GSE1: variants seen among roughly 807,000 people sequenced by gnomAD.
The protein encoded by GSE1 is Gse1 coiled-coil protein, also known as genetic suppressor element 1.
In GSE1, 32 loss-of-function variants were observed where a neutral mutation model predicts 112.6. The ratio of observed to expected loss-of-function variants is 0.28; its 90% CI spans 0.21 to 0.38. The LOEUF (loss-of-function observed/expected upper bound fraction) is 0.38. Ranked by LOEUF, GSE1 falls within the 10% of genes least tolerant of loss-of-function variation. The pLI is 1.00. For synonymous variants in GSE1, 1,115 were observed against 735.6 expected, an observed-to-expected ratio of 1.52 and a Z score of -8.35; for missense variants, 2,348 against 1,699.2, an observed-to-expected ratio of 1.38 and a Z score of -6.71.
rs2046740227 is a variant in GSE1, at chr16:85,346,437, G to A, written c.2284-11026G>A. 2.7e-5 allele frequency among the ~76,000 whole-genome samples: 4 copies of A among 148,868 alleles called. No individual in the cohort carries two copies. In the South Asian group the frequency reaches 8.9e-4, roughly 33 times the overall value. On this transcript the variant is annotated intron_variant, in intron 1 of 2. Coordinates refer to the GSE1 transcript ENST00000637419. ...TGGATGGGTGATGGACAGGTGGATG[G>A]TGGATGAGTGGATGGATGGGCTGAT...
intron 1 of GSE1, among the ~76,000 whole-genome samples, chr16:85,260,198 C>T (rs888103125): frequency 2.0e-5 from 3 of 152,224 alleles, no homozygotes; most frequent in African/African-American, 7.2e-5. Context: ...CCCATGGTAC[C>T]TGGACACCTG....
chr16:85,413,291 A>G (rs1405194141), intron 2 of GSE1, among the ~76,000 whole-genome samples: 1 of 152,144 alleles, frequency 6.6e-6, no homozygotes, highest in Admixed American at 6.5e-5. Context: ...GAGGGTTGGG[A>G]AGCCAAGAGC....
At chr16:85,215,996 C>T (rs929504527) in intron 1 of GSE1, among the ~76,000 whole-genome samples, 2 of 152,206 alleles carry the variant, frequency 1.3e-5, no homozygotes, top group African/African-American at 4.8e-5. Context: ...ACATACTTGA[C>T]ACGTGTTCCC....
rs145005561 is a variant in GSE1, at chr16:85,312,571, A to G, written c.2284-44892A>G. Among the ~76,000 whole-genome samples, 20 of 152,248 alleles carry G rather than the reference A, an allele frequency of 1.3e-4. No individual in the cohort carries two copies. In the East Asian group the frequency reaches 3.9e-3, roughly 29 times the overall value. On this transcript the variant is annotated intron_variant, in intron 1 of 2. Transcript: ENST00000637419. The stretch of plus-strand genomic sequence containing the variant: ...GTGGATTTGGGTGCATTTAGGCTGG[A>G]TTTAGAGCATCTTAACTTCCTGACA...
intron 11 of GSE1, among the ~76,000 whole-genome samples, chr16:85,663,897 G>C (rs982129722): frequency 6.6e-6 from 1 of 152,246 alleles, no homozygotes; most frequent in African/African-American, 2.4e-5. Context: ...TCTTTGAGCC[G>C]AGTGCTCCAG....
At chr16:85,238,369 G>A (rs572449925) in intron 1 of GSE1, among the ~76,000 whole-genome samples, 19 of 152,326 alleles carry the variant, frequency 1.2e-4, no homozygotes, top group South Asian at 4.1e-4. Flanking sequence ...AAGGGGGGCG[G>A]TGTTCCGGAG....
intron 1 of GSE1, among the ~76,000 whole-genome samples, chr16:85,295,397 A>G (rs1456154437): frequency 6.6e-6 from 1 of 152,284 alleles, no homozygotes; most frequent in African/African-American, 2.4e-5. Context: ...GGGTCAGCAC[A>G]TCAGCCCTTT....
rs1368739056 is a variant in GSE1 at position 85,672,612 on chromosome 16, T to C, written c.*73T>C. 4 of 1,057,372 alleles carry C rather than the reference T, an allele frequency of 3.8e-6. No individual in the cohort carries two copies. The Admixed American group carries it at 8.1e-5, about 22-fold the overall frequency. The allele number at this position is 1,057,372 out of a possible 1,614,324, so 65.5% of individuals were successfully genotyped here. ...ATTTTATTACCTTGAATATTTAATA[T>C]TTTTCACTGGGAGGTTTGAAGCTTA... On this transcript the variant is annotated 3_prime_UTR_variant, in exon 16 of 16. Coordinates refer to ENST00000253458, the MANE Select transcript of GSE1 (RefSeq NM_014615.5).
intron 2 of GSE1, among the ~76,000 whole-genome samples, chr16:85,430,170 C>A (rs558717169): frequency 6.6e-6 from 1 of 152,192 alleles, no homozygotes; most frequent in South Asian, 2.1e-4. Flanking sequence ...AGGAACGTTG[C>A]CCGTGAGCAC....
intron 3 of GSE1, among the ~76,000 whole-genome samples, chr16:85,650,208 C>G (rs2051218340): frequency 6.6e-6 from 1 of 152,202 alleles, no homozygotes; most frequent in South Asian, 2.1e-4. Flanking sequence ...TTGGAGCAGC[C>G]CAAGGCGGCC....
intron 2 of GSE1, among the ~76,000 whole-genome samples, chr16:85,498,331 A>T (rs1346602989): frequency 6.6e-6 from 1 of 152,234 alleles, no homozygotes; most frequent in Admixed American, 6.5e-5. Flanking sequence ...AGACACACAG[A>T]CACACACGGA....
At chr16:85,636,696 G>C (rs970351862) in intron 2 of GSE1, among the ~76,000 whole-genome samples, 129 of 152,332 alleles carry the variant, frequency 8.5e-4, no homozygotes, top group African/African-American at 1.9e-3. Flanking sequence ...CCCGGGGGGG[G>C]GCTGGGAGAG....
Position 85,171,057 on chromosome 16 carries a change from C to CA in GSE1, c.1533_1534insA (p.Phe512IlefsTer19). ...ACGCCAGGAGCGCCATGCATTTCCCCTTCCTCAGCCTCCTGCCCTGCCCGC... is the reference window on the plus strand; with the variant it reads ...ACGCCAGGAGCGCCATGCATTTCCCCATTCCTCAGCCTCCTGCCCTGCCCGC... On this transcript the variant is annotated frameshift_variant, in exon 1 of 3. Coordinates refer to the GSE1 transcript ENST00000637419. LOFTEE classifies it high-confidence loss of function. 1.0e-6 allele frequency: 1 copy of CA among 985,880 alleles called. No homozygotes were observed. Among genetic ancestry groups the CA allele is most frequent in the Non-Finnish European group, 1.2e-6 (1 of 830,268 alleles). The allele number at this position is 985,880 out of a possible 1,614,324, so 61.1% of individuals were successfully genotyped here.
chr16:85,587,174 C>G (rs540784706), intron 1 of GSE1, among the ~76,000 whole-genome samples: 3 of 150,262 alleles, frequency 2.0e-5, no homozygotes, highest in East Asian at 2.0e-4. Flanking sequence ...CGAAACCCCC[C>G]CCCCCCCAGA....
intron 1 of GSE1, among the ~76,000 whole-genome samples, chr16:85,320,168 C>T (rs949400630): frequency 6.6e-6 from 1 of 152,246 alleles, no homozygotes; most frequent in Admixed American, 6.5e-5. Context: ...GGCCAAGGGC[C>T]TCCAGAGGGG....
intron 1 of GSE1, among the ~76,000 whole-genome samples, chr16:85,340,056 C>T (rs533423079): frequency 7.9e-4 from 120 of 152,212 alleles, no homozygotes; most frequent in Non-Finnish European, 1.6e-3. Context: ...AGGTACATTT[C>T]TGAATCTCAG....
intron 2 of GSE1, among the ~76,000 whole-genome samples, chr16:85,537,689 G>T (rs1459625412): frequency 6.6e-6 from 1 of 152,256 alleles, no homozygotes; most frequent in East Asian, 1.9e-4. Flanking sequence ...TCCAGTCACT[G>T]TGTGTCTGCT....
intron 9 of GSE1, chr16:85,662,535 T>G (rs1378829665): frequency 8.3e-5 from 13 of 155,810 alleles, no homozygotes; most frequent in Non-Finnish European, 1.6e-4. Context: ...CCAGCGCCCC[T>G]GGGCAGGGGC....
At chr16:85,357,115 C>T (rs919557904) in intron 1 of GSE1, among the ~76,000 whole-genome samples, 1 of 152,214 alleles carries the variant, frequency 6.6e-6, no homozygotes, top group Non-Finnish European at 1.5e-5. Context: ...GCCTCAGGCT[C>T]CCTCTTAGAT....
Sources: gnomAD v4.1 joint callset for allele counts (sites outside exome capture counted in the v4.1 genomes callset) on GRCh38, gnomAD v4.1.1 for gene constraint, MANE v1.5 for transcripts, NCBI Gene and HGNC (gene_info 2026-07-23, HGNC 2026-07-21) for gene names.